Variants in IL1RL2 observed in about 807,000 individuals in gnomAD.
IL1RL2 encodes interleukin-1 receptor-like 2.
In IL1RL2, 68 loss-of-function variants were observed where a neutral mutation model predicts 66.8. The ratio of observed to expected loss-of-function variants is 1.02; its 90% CI spans 0.84 to 1.25. The LOEUF (loss-of-function observed/expected upper bound fraction) is 1.25. Among genes scored for constraint, IL1RL2 ranks in the 50% most tolerant of loss-of-function variants. The pLI, the probability that IL1RL2 is intolerant of heterozygous loss-of-function variation, is 0.00. For missense variants in IL1RL2, 729 were observed against 709.3 expected, an observed-to-expected ratio of 1.03 and a Z score of -0.32; for synonymous variants, 305 against 264.6, an observed-to-expected ratio of 1.15 and a Z score of -1.48.
intron 5 of IL1RL2, among the ~76,000 whole-genome samples, chr2:102,205,253 TTCA>T (rs1416764540): frequency 6.6e-6 from 1 of 152,176 alleles, no homozygotes; most frequent in Non-Finnish European, 1.5e-5. Flanking sequence ...TTTTGATTGG[TTCA>T]TCATTCAGTC....
intron 4 of IL1RL2, among the ~76,000 whole-genome samples, chr2:102,196,334 G>A (rs555324351): frequency 8.5e-5 from 13 of 152,314 alleles, no homozygotes; most frequent in African/African-American, 3.1e-4. Flanking sequence ...AGTGTAAGCA[G>A]GAGGGGTCAC....
intron 3 of IL1RL2, among the ~76,000 whole-genome samples, chr2:102,190,682 C>T (rs941628317): frequency 2.0e-5 from 3 of 152,206 alleles, no homozygotes; most frequent in Admixed American, 1.3e-4. Context: ...GCTCAGGGCA[C>T]GTGGAGGTCT....
intron 1 of IL1RL2, chr2:102,187,370 G>A: frequency 8.7e-7 from 1 of 1,155,782 alleles, no homozygotes; most frequent in South Asian, 1.8e-5. Flanking sequence ...GCTCCCCAGT[G>A]AGCGGGTGTT....
At chr2:102,201,142 T>C (rs1688217739) in intron 4 of IL1RL2, among the ~76,000 whole-genome samples, 1 of 152,104 alleles carries the variant, frequency 6.6e-6, no homozygotes, top group African/African-American at 2.4e-5. Context: ...AGGACATTCC[T>C]GCCTGTTCAT....
chr2:102,234,983 T>C lies in IL1RL2; in HGVS notation c.1384T>C (p.Leu462=), dbSNP rs766326643. 6.2e-7 allele frequency: 1 copy of C among 1,614,078 alleles called. No homozygotes were observed. The highest frequency in any genetic ancestry group is 1.3e-5 in the African/African-American group (1 of 74,920). The change falls in exon 11 of 12, where the codon TTG becomes CTG. Residue 462 remains leucine (L), a synonymous_variant. Transcript: ENST00000264257. The part of the protein sequence containing the change: ...VVPESLGFGL[L]KNLSEEQIAV... ...CCCCGAATCGCTGGGCTTTGGCCTG[T>C]TGAAGAACCTGTCAGAAGAACAAAT...
intron 11 of IL1RL2, among the ~76,000 whole-genome samples, chr2:102,237,594 C>T (rs7583215): frequency 0.2 from 30,748 of 152,132 alleles, 3,746 homozygotes; most frequent in Admixed American, 0.32. Context: ...ATTAAACTAG[C>T]GAATCCTCCA....
rs550152007 is a variant in IL1RL2, at chr2:102,236,388, C to A, written c.1678+1111C>A. Among the ~76,000 whole-genome samples the A allele has an allele frequency of 9.2e-5, 14 of 152,162 alleles. No individual in the cohort carries two copies. The East Asian group carries it at 2.5e-3, about 27-fold the overall frequency. On this transcript the variant is annotated intron_variant, in intron 11 of 11. Coordinates refer to ENST00000264257, the MANE Select transcript of IL1RL2 (RefSeq NM_003854.4). Reference sequence around the variant, plus strand: ...AGGGTGGGTTAGGAGGTGCTGTGCCCTCGTTCACAGGCGATGGGTGGTACC... The same window carrying A: ...AGGGTGGGTTAGGAGGTGCTGTGCCATCGTTCACAGGCGATGGGTGGTACC...
At chr2:102,241,533 T>G (rs905892853), downstream of IL1RL2, among the ~76,000 whole-genome samples, 2 of 152,200 alleles carry the variant, frequency 1.3e-5, no homozygotes, top group Admixed American at 1.3e-4. Context: ...GAACAGGACA[T>G]TTACAAAGTA....
chr2:102,213,272 C>T (rs1375918351), intron 6 of IL1RL2, among the ~76,000 whole-genome samples: 1 of 152,116 alleles, frequency 6.6e-6, no homozygotes, highest in Non-Finnish European at 1.5e-5. Flanking sequence ...ATACATAGAT[C>T]ACTCTCAGAA....
chr2:102,235,502 C>T (rs1674801094), intron 11 of IL1RL2: 1 of 985,304 alleles, frequency 1.0e-6, no homozygotes, highest in Non-Finnish European at 1.2e-6. Flanking sequence ...CCCTCTTTAG[C>T]CTATGGGCTT....
chr2:102,189,458 A>G (rs1433351956), intron 3 of IL1RL2, 148 bp downstream of exon 3: 2 of 610,120 alleles, frequency 3.3e-6, no homozygotes, highest in African/African-American at 3.7e-5. Flanking sequence ...CAGTGAACAC[A>G]TTTTTAAACA....
Position 102,191,995 on chromosome 2 carries a change from A to G in IL1RL2, c.364A>G (p.Ile122Val). 6.2e-6 allele frequency: 10 copies of G among 1,612,822 alleles called. No individual in the cohort carries two copies. The highest frequency in any genetic ancestry group is 7.6e-6 in the Non-Finnish European group (9 of 1,179,356). ...VFEKHWCDTS[I>V]GGLPNLSDEY... ...TGAAAAACATTGGTGTGACACTTCC[A>G]TAGGTGGTTTACCAAATTTATCAGA... is the stretch of plus-strand genomic sequence containing the variant. Residue 122 changes from isoleucine to valine, a missense_variant, in exon 4 of 12, where the codon ATA (isoleucine) becomes GTA (valine). Ile to Val is a conservative substitution (Grantham distance 29). Transcript: ENST00000264257.
At position 102,192,127 on chromosome 2, in the gene IL1RL2, AAG is replaced by A; in HGVS notation, c.489+9_489+10del. ...TCCAATAAAGTGGTATAAGGTAAAA[AAG>A]AATTTTCTTATTGATATTTTTCCTC... is the stretch of plus-strand genomic sequence containing the variant. On this transcript the variant is annotated splice_region_variant and intron_variant, in intron 4 of 11. Coordinates refer to ENST00000264257, the MANE Select transcript of IL1RL2 (RefSeq NM_003854.4). The A allele has an allele frequency of 3.9e-6, 6 of 1,538,922 alleles. No individual in the cohort carries two copies. Among genetic ancestry groups the A allele is most frequent in the Non-Finnish European group, 5.2e-6 (6 of 1,144,602 alleles).
At chr2:102,188,144 G>A (rs1559522816) in intron 2 of IL1RL2, among the ~76,000 whole-genome samples, 1 of 152,246 alleles carries the variant, frequency 6.6e-6, no homozygotes. Flanking sequence ...TGACTTCGGG[G>A]AGGGGAAGGA....
chr2:102,233,367 G>A (rs532616748), intron 10 of IL1RL2, among the ~76,000 whole-genome samples: 4 of 152,226 alleles, frequency 2.6e-5, no homozygotes, highest in East Asian at 1.9e-4. Flanking sequence ...GCAGCAGCAC[G>A]CGTCTCACTT....
chr2:102,222,632 T>G (rs1690240218), intron 8 of IL1RL2, among the ~76,000 whole-genome samples: 1 of 152,132 alleles, frequency 6.6e-6, no homozygotes, highest in Non-Finnish European at 1.5e-5. Flanking sequence ...GAGCTCATAT[T>G]GTGATGAAGT....
Position 102,230,811 on chromosome 2 carries a change from G to C in IL1RL2, c.1136-2152G>C, listed in dbSNP as rs113857898. 7.0e-3 allele frequency among the ~76,000 whole-genome samples: 1,063 copies of C among 152,342 alleles called. 11 individuals carry two copies. Among genetic ancestry groups the C allele is most frequent in the Admixed American group, 0.016 (249 of 15,310 alleles). On this transcript the variant is annotated intron_variant, in intron 9 of 11. Transcript: ENST00000264257. ...GAGATGGCCAAGAATGGTGAGCAGG[G>C]ACCCGAAGGTCAGCAGTGGTTGGTG...
chr2:102,233,756 C>A (rs1674564646), intron 10 of IL1RL2, among the ~76,000 whole-genome samples: 1 of 152,108 alleles, frequency 6.6e-6, no homozygotes, highest in African/African-American at 2.4e-5. Context: ...GGGTCCCCGG[C>A]ATGGAGCTCA....
At chr2:102,232,427 T>G (rs1256452282) in intron 9 of IL1RL2, among the ~76,000 whole-genome samples, 1 of 151,950 alleles carries the variant, frequency 6.6e-6, no homozygotes, top group African/African-American at 2.4e-5. Flanking sequence ...CTTGAACTCC[T>G]AAGCTCCCAT....
Sources: gnomAD v4.1 joint callset for allele counts (sites outside exome capture counted in the v4.1 genomes callset) on GRCh38, gnomAD v4.1.1 for gene constraint, MANE v1.5 for transcripts, NCBI Gene and HGNC (gene_info 2026-07-23, HGNC 2026-07-21) for gene names.